The following ZNF146 variants were observed in gnomAD, a reference collection of about 807,000 sequenced individuals.
ZNF146 encodes the protein zinc finger protein 146.
ZNF146 carries 9 observed loss-of-function variants against 22.2 expected under a neutral mutation model. The ratio of observed to expected loss-of-function variants is 0.41; its 90% CI spans 0.24 to 0.71. The LOEUF is 0.71. Among genes scored for constraint, ZNF146 ranks in the 30% least tolerant of loss-of-function variants. The pLI is 0.34. For synonymous variants in ZNF146, 108 were observed against 119.2 expected, an observed-to-expected ratio of 0.91 and a Z score of 0.61; for missense variants, 194 against 344.8, an observed-to-expected ratio of 0.56 and a Z score of 3.46.
intron 2 of ZNF146, among the ~76,000 whole-genome samples, chr19:36,219,225 C>G (rs1976738986): frequency 6.6e-6 from 1 of 152,134 alleles, no homozygotes; most frequent in Admixed American, 6.6e-5. Context: ...GGTGCGATCA[C>G]ATCTCATTGC....
intron 3 of ZNF146, among the ~76,000 whole-genome samples, chr19:36,230,010 G>A (rs1184363830): frequency 6.6e-6 from 1 of 152,200 alleles, no homozygotes; most frequent in Non-Finnish European, 1.5e-5. Context: ...TTGAGCCACC[G>A]CGCCTGGCTA....
At chr19:36,230,109 A>G (rs1426576029) in intron 3 of ZNF146, among the ~76,000 whole-genome samples, 3 of 152,230 alleles carry the variant, frequency 2.0e-5, no homozygotes, top group African/African-American at 7.2e-5. Flanking sequence ...ATACTTGTTT[A>G]TATTGCTTTG....
intron 3 of ZNF146, among the ~76,000 whole-genome samples, chr19:36,232,194 CAA>C (rs35069898): frequency 1.5e-3 from 164 of 108,916 alleles, no homozygotes; most frequent in East Asian, 5.3e-3. Flanking sequence ...GACTCCATCT[CAA>C]AAAAAAAAAA....
intron 3 of ZNF146, among the ~76,000 whole-genome samples, chr19:36,231,091 ACACGCGTAAACGTGAC>A (rs1490036248): frequency 2.0e-5 from 3 of 152,184 alleles, no homozygotes; most frequent in African/African-American, 7.2e-5. Flanking sequence ...GATATACGTG[ACACGCGTAAACGTGAC>A]CACAACTGAC....
chr19:36,231,744 T>TAAA (rs1404986908), intron 3 of ZNF146, among the ~76,000 whole-genome samples: 1 of 152,100 alleles, frequency 6.6e-6, no homozygotes, highest in African/African-American at 2.4e-5. Flanking sequence ...ATGGTCTTTG[T>TAAA]AATAGGATCA....
At chr19:36,233,185 C>G (rs1977464943) in intron 3 of ZNF146, among the ~76,000 whole-genome samples, 1 of 152,160 alleles carries the variant, frequency 6.6e-6, no homozygotes, top group Admixed American at 6.6e-5. Flanking sequence ...GAGTTCCAGA[C>G]CAGCCTGGCC....
chr19:36,228,486 A>G (rs1977181448), intron 2 of ZNF146: 1 of 152,130 alleles, frequency 6.6e-6, no homozygotes, highest in African/African-American at 2.4e-5. Flanking sequence ...CCTTTCTCCC[A>G]TTTCTGGATG....
At chr19:36,235,207 C>CAAAA (rs112972407) in intron 3 of ZNF146, among the ~76,000 whole-genome samples, 1 of 121,586 alleles carries the variant, frequency 8.2e-6, no homozygotes, top group African/African-American at 3.3e-5. Context: ...AATTCCGTCT[C>CAAAA]AAAAAAAAAA....
intron 3 of ZNF146, among the ~76,000 whole-genome samples, chr19:36,230,956 C>A (rs1242402981): frequency 2.0e-5 from 3 of 152,136 alleles, no homozygotes; most frequent in Non-Finnish European, 4.4e-5. Flanking sequence ...CACCTGCCAC[C>A]ACGCCGGCTA....
chr19:36,219,906 T>C (rs1976763235), intron 2 of ZNF146, among the ~76,000 whole-genome samples: 1 of 152,260 alleles, frequency 6.6e-6, no homozygotes, highest in Non-Finnish European at 1.5e-5. Context: ...ATTTGTTTCA[T>C]TGTTACATCA....
intron 3 of ZNF146, among the ~76,000 whole-genome samples, chr19:36,229,085 T>C (rs1977206833): frequency 6.6e-6 from 1 of 152,260 alleles, no homozygotes; most frequent in Non-Finnish European, 1.5e-5. Context: ...CTGTGGTGGC[T>C]GTTCTCCTTC....
chr19:36,223,615 G>A (rs1367773531), intron 2 of ZNF146, among the ~76,000 whole-genome samples: 6 of 151,910 alleles, frequency 3.9e-5, no homozygotes, highest in Admixed American at 6.6e-5. Flanking sequence ...CGCCCGCCTC[G>A]GCCCTCCAAA....
intron 3 of ZNF146, among the ~76,000 whole-genome samples, chr19:36,230,865 G>A (rs773590085): frequency 9.2e-5 from 14 of 151,984 alleles, no homozygotes; most frequent in South Asian, 2.1e-4. Flanking sequence ...ACAGTGGTGC[G>A]ATCTCGGCTC....
At chr19:36,215,504 G>T (rs1976563225) in intron 1 of ZNF146, among the ~76,000 whole-genome samples, 1 of 152,066 alleles carries the variant, frequency 6.6e-6, no homozygotes, top group Admixed American at 6.6e-5. Flanking sequence ...TTCCCTTGTC[G>T]AAAGTGCTGA....
At chr19:36,218,578 G>T (rs558404550) in intron 2 of ZNF146, among the ~76,000 whole-genome samples, 2 of 151,160 alleles carry the variant, frequency 1.3e-5, no homozygotes, top group African/African-American at 4.9e-5. Flanking sequence ...CCATTCTCCC[G>T]CCTCAGCCTC....
intron 2 of ZNF146, among the ~76,000 whole-genome samples, chr19:36,220,276 A>G (rs888057689): frequency 2.6e-5 from 4 of 152,134 alleles, no homozygotes; most frequent in African/African-American, 9.6e-5. Flanking sequence ...ATTTTTAAAA[A>G]TCATGAGTCC....
intron 2 of ZNF146, among the ~76,000 whole-genome samples, chr19:36,223,717 A>G (rs1265809367): frequency 6.6e-6 from 1 of 151,510 alleles, no homozygotes; most frequent in East Asian, 1.9e-4. Flanking sequence ...TTTCACCGAT[A>G]TTTTCAAATT....
At chr19:36,232,391 C>T (rs1379673221) in intron 3 of ZNF146, among the ~76,000 whole-genome samples, 2 of 151,880 alleles carry the variant, frequency 1.3e-5, no homozygotes, top group African/African-American at 4.8e-5. Flanking sequence ...TCTGCTTGTC[C>T]ATTACTTCAT....
At chr19:36,231,963 G>T (rs1006106652) in intron 3 of ZNF146, among the ~76,000 whole-genome samples, 6 of 151,682 alleles carry the variant, frequency 4.0e-5, no homozygotes, top group Non-Finnish European at 8.8e-5. Context: ...AACACTTTGG[G>T]AGGCCGAGGC....
Sources: allele counts gnomAD v4.1 joint callset (sites outside exome capture counted in the v4.1 genomes callset), GRCh38; gene constraint gnomAD v4.1.1; transcripts MANE v1.5; gene names NCBI Gene and HGNC (gene_info 2026-07-23, HGNC 2026-07-21).